The following POLN variants were observed in gnomAD, a reference collection of about 807,000 sequenced individuals.
POLN encodes DNA polymerase nu.
POLN carries 108 observed loss-of-function variants against 113.5 expected under a neutral mutation model. That is an observed-to-expected ratio of 0.95 (90% CI 0.81 to 1.12). The LOEUF is 1.12. POLN is among the 50% of genes most tolerant of loss of function. POLN has a pLI of 0.00. For missense variants in POLN, 1,097 were observed against 1,077.1 expected, an observed-to-expected ratio of 1.02 and a Z score of -0.26; for synonymous variants, 386 against 391.5, an observed-to-expected ratio of 0.99 and a Z score of 0.17.
chr4:2,170,638 C>T (rs1732837077), intron 13 of POLN, 41 bp downstream of exon 13: 2 of 1,541,150 alleles, frequency 1.3e-6, no homozygotes, highest in Non-Finnish European at 9.0e-7. Context: ...TGCAGACATG[C>T]TGTCATTCTA....
chr4:2,210,836 G>A (rs1339356545), intron 4 of POLN, among the ~76,000 whole-genome samples: 7 of 149,808 alleles, frequency 4.7e-5, no homozygotes, highest in Non-Finnish European at 7.4e-5. Context: ...CAGGAGAATC[G>A]CTTAAACCCA....
chr4:2,187,169 A>T (rs1250881110), intron 7 of POLN, among the ~76,000 whole-genome samples: 1 of 152,238 alleles, frequency 6.6e-6, no homozygotes, highest in East Asian at 1.9e-4. Context: ...AAGATGAAGC[A>T]GAGCAAGAGC....
chr4:2,240,758 A>T (rs1424226585), intron 2 of POLN: 1 of 1,613,994 alleles, frequency 6.2e-7, no homozygotes, highest in Non-Finnish European at 8.5e-7. Flanking sequence ...ATTTCTGAAG[A>T]ATGCTAAAAG....
chr4:2,091,761 CTGTGTGTG>C lies in POLN; in HGVS notation c.2065+4082_2065+4089del, dbSNP rs765518897. ...CCCTATCCGGTGGGTACACGTGAAT[CTGTGTGTG>C]TGTGTGTGTGTGTGTGTGTGTGTGT... On this transcript the variant is annotated intron_variant, in intron 20 of 25. Coordinates refer to ENST00000511885, the MANE Select transcript of POLN (RefSeq NM_181808.4). 2.9e-3 allele frequency among the ~76,000 whole-genome samples: 419 copies of C among 145,206 alleles called. 1 individual carries two copies. Among genetic ancestry groups the C allele is most frequent in the African/African-American group, 9.7e-3 (376 of 38,942 alleles).
chr4:2,072,185 G>C lies in POLN; in HGVS notation c.2632C>G (p.Leu878Val), dbSNP rs1481447773. 2 of 1,611,324 alleles carry C rather than the reference G, an allele frequency of 1.2e-6. No homozygotes were observed. Among genetic ancestry groups the C allele is most frequent in the Non-Finnish European group, 1.7e-6 (2 of 1,178,694 alleles). ...PCRTESPSNS[L>V]AAPGSPASTQ... is the part of the protein sequence containing the mutation. ...CTGGCAGGGGACCCAGGGGCAGCCA[G>C]GCTGTTGCTGGGAGACTCAGTGCGA... The change falls in exon 26 of 26, where the codon CTG becomes GTG. Residue 878 changes from leucine to valine, a missense_variant. Physicochemically the swap from Leu to Val is conservative, Grantham distance 32 (BLOSUM62 1). Transcript: ENST00000511885.
Position 2,072,266 on chromosome 4 carries a change from A to G in POLN, c.2551T>C (p.Ser851Pro). 1.3e-6 allele frequency: 2 copies of G among 1,593,222 alleles called. No individual in the cohort carries two copies. The highest frequency in any genetic ancestry group is 1.7e-6 in the Non-Finnish European group (2 of 1,169,626). ...TGCAGTGGCACCAGGTGTCCCCATGAGCGGCCGGCACTCAGGCTCACCTTG... is the reference window on the plus strand; with the variant it reads ...TGCAGTGGCACCAGGTGTCCCCATGGGCGGCCGGCACTCAGGCTCACCTTG... ...PLKVSLSAGR[S>P]WGHLVPLQEA... The change falls in exon 26 of 26, where the codon TCA becomes CCA. Residue 851 changes from serine to proline, a missense_variant. By Grantham distance (74) the Ser-to-Pro change is moderately conservative. Transcript: ENST00000511885.
chr4:2,144,195 A>G (rs1732077685), intron 16 of POLN, among the ~76,000 whole-genome samples: 1 of 135,562 alleles, frequency 7.4e-6, no homozygotes, highest in Non-Finnish European at 1.5e-5. Context: ...CCCAGACTGG[A>G]GTGCAGTGGC....
At chr4:2,074,895 C>A (rs1730239776) in intron 24 of POLN, among the ~76,000 whole-genome samples, 1 of 152,132 alleles carries the variant, frequency 6.6e-6, no homozygotes, top group Admixed American at 6.5e-5. Flanking sequence ...AGAGAAAGAA[C>A]CCCTTGGGCT....
chr4:2,139,278 G>A (rs577081668), intron 16 of POLN, among the ~76,000 whole-genome samples: 27 of 152,332 alleles, frequency 1.8e-4, no homozygotes, highest in African/African-American at 6.3e-4. Flanking sequence ...CTTGGGGCCC[G>A]CAGCTCCCCT....
At chr4:2,216,606 T>C (rs1734118717) in intron 3 of POLN, among the ~76,000 whole-genome samples, 2 of 152,210 alleles carry the variant, frequency 1.3e-5, no homozygotes, top group South Asian at 4.1e-4. Context: ...TGCAGTTCCT[T>C]GGCTGAGCGC....
intron 13 of POLN, among the ~76,000 whole-genome samples, chr4:2,159,698 A>AT (rs1184603152): frequency 6.6e-6 from 1 of 152,296 alleles, no homozygotes. Context: ...AAACATTCCA[A>AT]TCTCCCCAGT....
rs977537978 is a variant in POLN, at chr4:2,127,888, T to G, written c.1982+225A>C. On this transcript the variant is annotated intron_variant, in intron 19 of 25. Coordinates refer to ENST00000511885, the MANE Select transcript of POLN (RefSeq NM_181808.4). This position sits in a 1 kb window ranked among gnomAD's most constrained non-coding sequence, Gnocchi z 4.7. ...ATTTTATCATTTCTATTACATTCTC[T>G]AGGAATGGACTTCTTTTTTTTAGTG... 2.6e-5 allele frequency among the ~76,000 whole-genome samples: 4 copies of G among 152,252 alleles called. No individual in the cohort carries two copies. Among genetic ancestry groups the G allele is most frequent in the Non-Finnish European group, 5.9e-5 (4 of 68,038 alleles).
chr4:2,121,570 CTTAG>C (rs1329643691), intron 19 of POLN, among the ~76,000 whole-genome samples: 4 of 151,526 alleles, frequency 2.6e-5, no homozygotes, highest in East Asian at 1.9e-4. Context: ...TCTATTTCAT[CTTAG>C]TTAGATTTTG....
intron 19 of POLN, among the ~76,000 whole-genome samples, chr4:2,123,769 C>T (rs1305667688): frequency 6.6e-6 from 1 of 151,762 alleles, no homozygotes; most frequent in Non-Finnish European, 1.5e-5. Context: ...CGTGCCTCTG[C>T]TCTCCAGCCT....
At chr4:2,079,021 C>T in intron 23 of POLN, 1 of 735,250 alleles carries the variant, frequency 1.4e-6, no homozygotes, top group Non-Finnish European at 1.7e-6. Context: ...CCTTGAACTC[C>T]CAGGCTCAGG....
At chr4:2,214,867 A>C (rs1181768728) in intron 3 of POLN, among the ~76,000 whole-genome samples, 1 of 151,884 alleles carries the variant, frequency 6.6e-6, no homozygotes, top group Non-Finnish European at 1.5e-5. Flanking sequence ...TTTTATATAT[A>C]TACACACACA....
chr4:2,221,340 T>C (rs1734248453), intron 3 of POLN, among the ~76,000 whole-genome samples: 1 of 152,088 alleles, frequency 6.6e-6, no homozygotes, highest in Non-Finnish European at 1.5e-5. Context: ...AATAAAATCT[T>C]GGGAATCCCA....
chr4:2,143,054 C>T (rs1407053661), intron 16 of POLN, among the ~76,000 whole-genome samples: 1 of 151,608 alleles, frequency 6.6e-6, no homozygotes, highest in African/African-American at 2.4e-5. Context: ...TATAACATGT[C>T]AAAATGTATG....
chr4:2,106,674 A>C (rs1334579508), intron 19 of POLN, among the ~76,000 whole-genome samples: 1 of 152,212 alleles, frequency 6.6e-6, no homozygotes, highest in Non-Finnish European at 1.5e-5. Context: ...AATTGCATTT[A>C]TCTTTTATCA....
Sources: allele counts gnomAD v4.1 joint callset (sites outside exome capture counted in the v4.1 genomes callset), GRCh38; gene constraint gnomAD v4.1.1; non-coding constraint Gnocchi (gnomAD v3.1); transcripts MANE v1.5; gene names NCBI Gene and HGNC (gene_info 2026-07-23, HGNC 2026-07-21).